Variants in SLC16A7 observed in about 807,000 individuals in gnomAD.
The protein encoded by SLC16A7 is monocarboxylate transporter 2.
Under a neutral mutation model 34.9 loss-of-function variants are expected in SLC16A7, and 33 were observed. That is an observed-to-expected ratio of 0.94 (90% CI 0.72 to 1.26). SLC16A7 has a LOEUF of 1.26. SLC16A7 is among the 50% of genes most tolerant of loss of function. The pLI, the probability that SLC16A7 is intolerant of heterozygous loss-of-function variation, is 0.00. For missense variants in SLC16A7, 573 were observed against 578.1 expected, an observed-to-expected ratio of 0.99 and a Z score of 0.09; for synonymous variants, 201 against 206.6, an observed-to-expected ratio of 0.97 and a Z score of 0.23.
At chr12:59,740,295 A>C (rs1878150592) in intron 3 of SLC16A7, among the ~76,000 whole-genome samples, 1 of 152,046 alleles carries the variant, frequency 6.6e-6, no homozygotes, top group Non-Finnish European at 1.5e-5. Flanking sequence ...CATTTATTAA[A>C]TAGGGAATCC....
intron 2 of SLC16A7, among the ~76,000 whole-genome samples, chr12:59,702,366 T>C (rs1872989811): frequency 6.6e-6 from 1 of 151,994 alleles, no homozygotes; most frequent in South Asian, 2.1e-4. Flanking sequence ...AATAGATAGA[T>C]AGAAGACAGA....
chr12:59,600,906 A>C (rs962799453), intron 1 of SLC16A7, among the ~76,000 whole-genome samples: 3 of 152,208 alleles, frequency 2.0e-5, no homozygotes, highest in African/African-American at 7.2e-5. Context: ...TGAAGTCTCA[A>C]AGGACCTCAT....
chr12:59,670,865 T>TAGCCCTG (rs1358080577), intron 2 of SLC16A7, among the ~76,000 whole-genome samples: 5 of 152,186 alleles, frequency 3.3e-5, no homozygotes, highest in Non-Finnish European at 5.9e-5. Flanking sequence ...CCCTGGTTGG[T>TAGCCCTG]AGCCCTGACT....
chr12:59,749,122 T>C (rs1029303990), intron 3 of SLC16A7, among the ~76,000 whole-genome samples: 2 of 152,220 alleles, frequency 1.3e-5, no homozygotes, highest in African/African-American at 4.8e-5. Flanking sequence ...AAAGGAAATT[T>C]ATTAGTAAGG....
intron 3 of SLC16A7, among the ~76,000 whole-genome samples, chr12:59,748,318 G>A (rs77594811): frequency 0.014 from 2,138 of 152,216 alleles, 37 homozygotes; most frequent in Middle Eastern, 0.027. Flanking sequence ...TAAGGACACG[G>A]TATAAAATCA....
intron 1 of SLC16A7, among the ~76,000 whole-genome samples, chr12:59,615,132 A>G (rs1299254886): frequency 2.6e-5 from 4 of 152,166 alleles, no homozygotes; most frequent in Non-Finnish European, 5.9e-5. Context: ...CGCAGCAACA[A>G]AGTACTATCC....
intron 2 of SLC16A7, among the ~76,000 whole-genome samples, chr12:59,663,188 G>A (rs1356482602): frequency 6.6e-6 from 1 of 151,744 alleles, no homozygotes; most frequent in East Asian, 1.9e-4. Flanking sequence ...TCAAATGTAT[G>A]TCTTTGTATT....
At chr12:59,744,714 G>T (rs570156100) in intron 3 of SLC16A7, among the ~76,000 whole-genome samples, 1 of 152,292 alleles carries the variant, frequency 6.6e-6, no homozygotes, top group East Asian at 1.9e-4. Context: ...AGCTAAAAGA[G>T]TGCTGACTGT....
At chr12:59,678,275 G>T (rs1224658601) in intron 2 of SLC16A7, among the ~76,000 whole-genome samples, 1 of 152,200 alleles carries the variant, frequency 6.6e-6, no homozygotes, top group South Asian at 2.1e-4. Flanking sequence ...CCACCATTCA[G>T]TGGGTCTGAG....
At chr12:59,736,313 A>G (rs766930579) in intron 3 of SLC16A7, among the ~76,000 whole-genome samples, 1 of 152,226 alleles carries the variant, frequency 6.6e-6, no homozygotes, top group Non-Finnish European at 1.5e-5. Context: ...TTTCATAAAT[A>G]TGAAATAATA....
chr12:59,606,633 G>C (rs17122687), intron 1 of SLC16A7, among the ~76,000 whole-genome samples: 1 of 152,068 alleles, frequency 6.6e-6, no homozygotes, highest in Admixed American at 6.5e-5. Flanking sequence ...TGCCTCAGCC[G>C]ATGTTTCAGT....
At chr12:59,623,652 T>C (rs1225000191) in intron 1 of SLC16A7, among the ~76,000 whole-genome samples, 2 of 151,774 alleles carry the variant, frequency 1.3e-5, no homozygotes, top group African/African-American at 4.8e-5. Context: ...TCTAATTAAT[T>C]CTGTTTTATT....
Position 59,704,888 on chromosome 12 carries a change from C to T in SLC16A7, c.87C>T (p.Ser29=), listed in dbSNP as rs1340536256. The T allele has an allele frequency of 1.2e-6, 2 of 1,613,816 alleles. No homozygotes were observed. Among genetic ancestry groups the T allele is most frequent in the Admixed American group, 1.7e-5 (1 of 60,002 alleles). ...TTGTGGTTGGAGCAGCTTTTATCTC[C>T]ATTGGATTTTCCTATGCATTCCCCA... is the stretch of plus-strand genomic sequence containing the variant. ...GWIVVGAAFI[S]IGFSYAFPKA... Residue 29 remains serine, a synonymous_variant, in exon 3 of 6, where the codon TCC becomes TCT. Coordinates refer to ENST00000547379, the MANE Select transcript of SLC16A7 (RefSeq NM_001270623.2).
At chr12:59,735,832 A>T (rs1363957123) in intron 3 of SLC16A7, 1 of 369,756 alleles carries the variant, frequency 2.7e-6, no homozygotes, top group African/African-American at 2.2e-5. Context: ...ATTTTATGTT[A>T]TGAAGATTGC....
chr12:59,607,204 G>T (rs1878987005), intron 1 of SLC16A7, among the ~76,000 whole-genome samples: 1 of 152,096 alleles, frequency 6.6e-6, no homozygotes, highest in South Asian at 2.1e-4. Context: ...AAGATACTTT[G>T]CTTTCTGATG....
rs1175917025 is a variant in SLC16A7 at position 59,787,617 on chromosome 12, G to A, written c.*7938G>A. On this transcript the variant is annotated 3_prime_UTR_variant, in exon 6 of 6. Transcript: ENST00000547379. ...TTTTCCCGGTAAAACTGTAAAAACAGTAATCTGCATTCAGTATTTGTTTGC... is the reference window on the plus strand; with the variant it reads ...TTTTCCCGGTAAAACTGTAAAAACAATAATCTGCATTCAGTATTTGTTTGC... 6.6e-6 allele frequency: 1 copy of A among 152,166 alleles called. No individual in the cohort carries two copies. The highest frequency in any genetic ancestry group is 2.4e-5 in the African/African-American group (1 of 41,432). The allele number at this position is 152,166 out of a possible 1,614,324, so 9.4% of individuals were successfully genotyped here.
chr12:59,670,408 C>A (rs1342273928), intron 2 of SLC16A7, among the ~76,000 whole-genome samples: 1 of 151,374 alleles, frequency 6.6e-6, no homozygotes, highest in African/African-American at 2.4e-5. Context: ...GCCTGCCTTC[C>A]AATCCACCCC....
intron 2 of SLC16A7, among the ~76,000 whole-genome samples, chr12:59,694,788 A>G (rs1308457841): frequency 6.6e-6 from 1 of 152,044 alleles, no homozygotes; most frequent in African/African-American, 2.4e-5. Context: ...ACTAAAGATT[A>G]GTAAATGCAT....
intron 3 of SLC16A7, among the ~76,000 whole-genome samples, chr12:59,767,518 C>T (rs1881785351): frequency 6.6e-6 from 1 of 152,068 alleles, no homozygotes; most frequent in Admixed American, 6.6e-5. Context: ...TACTATTCTG[C>T]AAAATCTGTG....
Sources: gnomAD v4.1 joint callset for allele counts (sites outside exome capture counted in the v4.1 genomes callset) on GRCh38, gnomAD v4.1.1 for gene constraint, MANE v1.5 for transcripts, NCBI Gene and HGNC (gene_info 2026-07-23, HGNC 2026-07-21) for gene names.